TMPRSS11F: variants seen among roughly 807,000 people sequenced by gnomAD.
TMPRSS11F encodes transmembrane protease serine 11F.
Under a neutral mutation model 60.2 loss-of-function variants are expected in TMPRSS11F, and 47 were observed. The observed-to-expected ratio is 0.78, with a 90% confidence interval of 0.62 to 1.00. The LOEUF is 1.00. Among genes scored for constraint, TMPRSS11F ranks in the 50% least tolerant of loss-of-function variants. The pLI is 0.00. For synonymous variants in TMPRSS11F, 166 were observed against 167.3 expected (o/e 0.99, Z 0.06); for missense variants, 519 against 522.9 (o/e 0.99, Z 0.07).
chr4:68,113,685 A>G (rs1724457153), intron 1 of TMPRSS11F, among the ~76,000 whole-genome samples: 1 of 152,204 alleles, frequency 6.6e-6, no homozygotes, highest in South Asian at 2.1e-4. Context: ...TCCACATTAT[A>G]GTTTAAGACA....
At chr4:68,067,136 A>T (rs1402731504) in intron 7 of TMPRSS11F, among the ~76,000 whole-genome samples, 1 of 152,174 alleles carries the variant, frequency 6.6e-6, no homozygotes, top group African/African-American at 2.4e-5. Context: ...AAAATATGCT[A>T]TAATGTGTCT....
chr4:68,094,236 C>G (rs1394594964), intron 2 of TMPRSS11F, among the ~76,000 whole-genome samples: 1 of 108,030 alleles, frequency 9.3e-6, no homozygotes, highest in South Asian at 3.5e-4. Flanking sequence ...ATGATGAGTT[C>G]ATGTCCTTTG....
chr4:68,101,370 T>C (rs1163749855), intron 1 of TMPRSS11F, among the ~76,000 whole-genome samples: 2 of 152,158 alleles, frequency 1.3e-5, no homozygotes, highest in Non-Finnish European at 2.9e-5. Context: ...AAGGTCATAA[T>C]AAAATAACAA....
Position 68,058,074 on chromosome 4 carries a change from C to A in TMPRSS11F, c.1158+1252G>T, listed in dbSNP as rs11729312. 9.8e-3 allele frequency among the ~76,000 whole-genome samples: 1,489 copies of A among 152,214 alleles called. 9 individuals carry two copies. The highest frequency in any genetic ancestry group is 0.017 in the South Asian group (83 of 4,824). On this transcript the variant is annotated intron_variant, in intron 9 of 9. Coordinates refer to ENST00000356291, the MANE Select transcript of TMPRSS11F (RefSeq NM_207407.2). ...TTACCAGAGTCTGGGTGAGCCTAGGCGGGTGGAGAGTGAGGGAAAGGGGAG... is the reference window on the plus strand; with the variant it reads ...TTACCAGAGTCTGGGTGAGCCTAGGAGGGTGGAGAGTGAGGGAAAGGGGAG...
intron 2 of TMPRSS11F, among the ~76,000 whole-genome samples, chr4:68,094,326 A>C: frequency 7.4e-6 from 1 of 134,894 alleles, no homozygotes. Flanking sequence ...GCATATTCTC[A>C]CTCATAGGTG....
intron 2 of TMPRSS11F, among the ~76,000 whole-genome samples, chr4:68,098,677 G>T (rs1000797317): frequency 1.3e-5 from 2 of 151,868 alleles, no homozygotes; most frequent in Non-Finnish European, 1.5e-5. Flanking sequence ...TTTTAGATAC[G>T]TCTATCAATG....
At chr4:68,124,486 G>A (rs1327284881) in intron 1 of TMPRSS11F, among the ~76,000 whole-genome samples, 1 of 152,118 alleles carries the variant, frequency 6.6e-6, no homozygotes, top group African/African-American at 2.4e-5. Flanking sequence ...GCAAAACCCG[G>A]GCGACCAAGC....
intron 1 of TMPRSS11F, among the ~76,000 whole-genome samples, chr4:68,124,503 T>G (rs1251868628): frequency 6.6e-6 from 1 of 152,192 alleles, no homozygotes; most frequent in Non-Finnish European, 1.5e-5. Flanking sequence ...AAGCGGAAAC[T>G]TCAGCCTTAA....
rs901734657 is a variant in TMPRSS11F at position 68,084,737 on chromosome 4, C to CT, written c.282+5785dup. Among the ~76,000 whole-genome samples, 81 of 151,288 alleles carry CT rather than the reference C, an allele frequency of 5.4e-4. 3 individuals are homozygous for CT. Among genetic ancestry groups the CT allele is most frequent in the South Asian group, 3.4e-3 (16 of 4,764 alleles). On this transcript the variant is annotated intron_variant, in intron 3 of 9. Transcript: ENST00000356291. ...ATTTATTTATTTATTTTTTTATGTT[C>CT]TTTTTTTTTATTATACTTTAAGTTT...
rs114616097 is a variant in TMPRSS11F, at chr4:68,113,390, C to A, written c.12-14352G>T. Among the ~76,000 whole-genome samples the A allele has an allele frequency of 7.6e-3, 1,105 of 146,154 alleles. 10 individuals carry two copies. The highest frequency in any genetic ancestry group is 0.026 in the South Asian group (118 of 4,530). ...GAAGATATGGCTTGGCTTTTCTTGA[C>A]GGCCTACTGTAAAATGAAAAATGTA... is the stretch of plus-strand genomic sequence containing the variant. On this transcript the variant is annotated intron_variant, in intron 1 of 9. Transcript: ENST00000356291.
rs2109821615 is a variant in TMPRSS11F at position 68,053,342 on chromosome 4, T to C, written c.*567A>G. On this transcript the variant is annotated 3_prime_UTR_variant, in exon 10 of 10. Coordinates refer to ENST00000356291, the MANE Select transcript of TMPRSS11F (RefSeq NM_207407.2). ...TGTGTTAACAGCAAGTTCAGATACA[T>C]TTAAAAACTTTTAAAATGTCAACTG... 6.5e-6 allele frequency: 1 copy of C among 152,732 alleles called. No homozygotes were observed. Among genetic ancestry groups the C allele is most frequent in the Middle Eastern group, 3.4e-3 (1 of 294 alleles). The allele number at this position is 152,732 out of a possible 1,614,324, so 9.5% of individuals were successfully genotyped here.
intron 7 of TMPRSS11F, among the ~76,000 whole-genome samples, chr4:68,066,702 G>A (rs1208808367): frequency 1.3e-5 from 2 of 152,216 alleles, no homozygotes; most frequent in East Asian, 3.8e-4. Context: ...ATGGGAGGCT[G>A]AGGCGGGCGG....
chr4:68,084,183 C>T (rs57595543), intron 3 of TMPRSS11F, among the ~76,000 whole-genome samples: 183 of 152,064 alleles, frequency 1.2e-3, no homozygotes, highest in African/African-American at 4.1e-3. Flanking sequence ...AGAGACCAAA[C>T]CTATGATCCA....
intron 2 of TMPRSS11F, among the ~76,000 whole-genome samples, chr4:68,092,023 T>C (rs894479603): frequency 1.3e-5 from 2 of 152,088 alleles, no homozygotes; most frequent in Non-Finnish European, 2.9e-5. Context: ...TGACCTCAAG[T>C]GATCCATGAG....
intron 1 of TMPRSS11F, among the ~76,000 whole-genome samples, chr4:68,116,264 T>C (rs542097985): frequency 6.6e-6 from 1 of 152,190 alleles, no homozygotes; most frequent in Non-Finnish European, 1.5e-5. Flanking sequence ...AGAATATTCA[T>C]ACATTGGTGT....
At chr4:68,062,797 G>T (rs1474191877) in intron 8 of TMPRSS11F, 2 of 748,560 alleles carry the variant, frequency 2.7e-6, no homozygotes, top group Non-Finnish European at 5.0e-6. Flanking sequence ...TGGATATCTT[G>T]CATTTGGACA....
At chr4:68,077,927 G>A (rs570776992) in intron 3 of TMPRSS11F, among the ~76,000 whole-genome samples, 1 of 152,282 alleles carries the variant, frequency 6.6e-6, no homozygotes, top group Non-Finnish European at 1.5e-5. Context: ...TGGTAGCCAG[G>A]GCTCCATGCC....
chr4:68,071,882 T>C (rs984638432), intron 5 of TMPRSS11F, among the ~76,000 whole-genome samples: 1 of 152,048 alleles, frequency 6.6e-6, no homozygotes, highest in Non-Finnish European at 1.5e-5. Context: ...TGTCTTTCTT[T>C]GATACTGTAA....
chr4:68,117,715 C>T (rs1412722110), intron 1 of TMPRSS11F, among the ~76,000 whole-genome samples: 1 of 152,078 alleles, frequency 6.6e-6, no homozygotes, highest in African/African-American at 2.4e-5. Context: ...AAGTTCTCAA[C>T]TGTCAATTCA....
Sources: gnomAD v4.1 joint callset for allele counts (sites outside exome capture counted in the v4.1 genomes callset) on GRCh38, gnomAD v4.1.1 for gene constraint, MANE v1.5 for transcripts, NCBI Gene and HGNC (gene_info 2026-07-23, HGNC 2026-07-21) for gene names.